NRG3: variants seen among roughly 807,000 people sequenced by gnomAD.
NRG3 encodes neuregulin 3.
Under a neutral mutation model 66.9 loss-of-function variants are expected in NRG3, and 31 were observed. The observed-to-expected ratio is 0.46, with a 90% CI of 0.35 to 0.63. The LOEUF is 0.63. NRG3 is among the 20% of genes least tolerant of loss of function. The probability of loss-of-function intolerance (pLI) is 0.00; values close to 1 mark genes in which losing one functional copy is unlikely to be tolerated. For synonymous variants in NRG3, 393 were observed against 359.4 expected, an observed-to-expected ratio of 1.09 and a Z score of -1.06; for missense variants, 910 against 878.9, an observed-to-expected ratio of 1.04 and a Z score of -0.45.
At chr10:82,830,949 C>A (rs1048822632) in intron 3 of NRG3, among the ~76,000 whole-genome samples, 1 of 152,174 alleles carries the variant, frequency 6.6e-6, no homozygotes, top group African/African-American at 2.4e-5. Context: ...ACATGCAATG[C>A]TGATATGTTC....
chr10:82,860,128 C>T (rs1039754791), intron 3 of NRG3, among the ~76,000 whole-genome samples: 1 of 152,108 alleles, frequency 6.6e-6, no homozygotes, highest in Non-Finnish European at 1.5e-5. Flanking sequence ...TTCAACTAGG[C>T]CAGCCTCGTT....
intron 2 of NRG3, among the ~76,000 whole-genome samples, chr10:82,678,360 G>A (rs927604648): frequency 2.0e-5 from 3 of 152,118 alleles, no homozygotes; most frequent in African/African-American, 7.2e-5. Context: ...AGTCAAAGGG[G>A]GTTGTTCTCT....
intron 3 of NRG3, among the ~76,000 whole-genome samples, chr10:82,842,065 A>T (rs1188972503): frequency 6.6e-6 from 1 of 152,172 alleles, no homozygotes; most frequent in Non-Finnish European, 1.5e-5. Flanking sequence ...AGCCTGGTCA[A>T]CATGGCGAAA....
At chr10:82,555,111 T>C (rs2044566909) in intron 2 of NRG3, among the ~76,000 whole-genome samples, 1 of 152,210 alleles carries the variant, frequency 6.6e-6, no homozygotes, top group Non-Finnish European at 1.5e-5. Flanking sequence ...GAGGAGATAT[T>C]GTGAGATCTC....
In NRG3 at chr10:82,141,499, G is replaced by A. The variant is rs116971468; in HGVS notation, c.824-217240G>A. Among the ~76,000 whole-genome samples, 1,180 of 152,226 alleles carry A rather than the reference G, an allele frequency of 7.8e-3. 20 individuals carry two copies. The highest frequency in any genetic ancestry group is 0.013 in the Non-Finnish European group (862 of 68,022). ...TACTTGGCAAAAACCTGCTGATCAT[G>A]TCTTTCCCCTTGGAACCTCACAGCA... is the stretch of plus-strand genomic sequence containing the variant. On this transcript the variant is annotated intron_variant, in intron 1 of 8. Coordinates refer to ENST00000372141, the MANE Select transcript of NRG3 (RefSeq NM_001010848.4).
intron 1 of NRG3, among the ~76,000 whole-genome samples, chr10:82,297,762 A>T (rs1479451105): frequency 1.3e-5 from 2 of 152,172 alleles, no homozygotes; most frequent in African/African-American, 4.8e-5. Flanking sequence ...TATAAGGCAT[A>T]TGTGCTATTG....
chr10:82,943,981 C>T (rs984031451), intron 4 of NRG3, among the ~76,000 whole-genome samples: 1 of 152,170 alleles, frequency 6.6e-6, no homozygotes, highest in African/African-American at 2.4e-5. Context: ...AGCATACTTG[C>T]AGTCACTCAT....
rs1238256124 is a variant in NRG3, at chr10:82,859,314, C to T, written c.1028-6097C>T. On this transcript the variant is annotated intron_variant, in intron 3 of 8. Coordinates refer to ENST00000372141, the MANE Select transcript of NRG3 (RefSeq NM_001010848.4). ...ACATGCTTTTCCATATCCCATAGAC[C>T]AGGGTTTAAATGATCACACTTGGGA... 5 of 152,178 alleles carry T rather than the reference C, an allele frequency of 3.3e-5. No homozygotes were observed. The South Asian group carries it at 6.2e-4, about 19-fold the overall frequency. The allele number at this position is 152,178 out of a possible 1,614,324, so 9.4% of individuals were successfully genotyped here.
chr10:82,361,500 G>A (rs1363284962), intron 2 of NRG3, among the ~76,000 whole-genome samples: 1 of 152,146 alleles, frequency 6.6e-6, no homozygotes, highest in African/African-American at 2.4e-5. Context: ...TTCCAATGTA[G>A]TTATTAATAA....
chr10:82,126,040 G>A (rs915589747), intron 1 of NRG3, among the ~76,000 whole-genome samples: 2 of 151,982 alleles, frequency 1.3e-5, no homozygotes, highest in Admixed American at 1.3e-4. Flanking sequence ...TAAGAGTGAA[G>A]GGAGCAACTA....
chr10:82,457,023 G>T (rs1486269967), intron 2 of NRG3, among the ~76,000 whole-genome samples: 1 of 152,062 alleles, frequency 6.6e-6, no homozygotes, highest in Non-Finnish European at 1.5e-5. Context: ...TTTTCAAAGT[G>T]CTAGACAGTA....
chr10:82,232,065 G>A (rs1819295029), intron 1 of NRG3, among the ~76,000 whole-genome samples: 1 of 152,102 alleles, frequency 6.6e-6, no homozygotes. Flanking sequence ...AATTACTATG[G>A]TAGGTCTCTC....
intron 1 of NRG3, among the ~76,000 whole-genome samples, chr10:81,920,706 G>T (rs148892039): frequency 6.6e-6 from 1 of 152,220 alleles, no homozygotes; most frequent in African/African-American, 2.4e-5. Flanking sequence ...ATTATGAATA[G>T]TAGTACACGT....
intron 1 of NRG3, among the ~76,000 whole-genome samples, chr10:81,996,143 T>G (rs1412769778): frequency 2.0e-5 from 3 of 152,206 alleles, no homozygotes; most frequent in African/African-American, 7.2e-5. Context: ...GTGTGTTAGC[T>G]CATATGTGAC....
rs1293918650 is a variant in NRG3 at position 82,440,172 on chromosome 10, A to G, written c.953+81304A>G. Among the ~76,000 whole-genome samples the G allele has an allele frequency of 1.3e-5, 2 of 151,956 alleles. 1 individual carries two copies. The highest frequency in any genetic ancestry group is 3.9e-4 in the East Asian group (2 of 5,188). On this transcript the variant is annotated intron_variant, in intron 2 of 8. Coordinates refer to ENST00000372141, the MANE Select transcript of NRG3 (RefSeq NM_001010848.4). ...ATATTTTGGTATTTAATTTGAGAAC[A>G]TGATTTTCTGTTGAAAATCATCCTT... is the stretch of plus-strand genomic sequence containing the variant.
intron 2 of NRG3, among the ~76,000 whole-genome samples, chr10:82,697,597 G>A (rs1451684639): frequency 6.6e-6 from 1 of 152,142 alleles, no homozygotes; most frequent in African/African-American, 2.4e-5. Flanking sequence ...AGTCTGGATG[G>A]ATAAAATATT....
chr10:82,458,637 G>A (rs1326486965), intron 2 of NRG3, among the ~76,000 whole-genome samples: 4 of 152,198 alleles, frequency 2.6e-5, no homozygotes, highest in Non-Finnish European at 5.9e-5. Flanking sequence ...AAAGAACAGT[G>A]ATTATAGTGT....
At chr10:82,242,778 C>T (rs2077061233) in intron 1 of NRG3, among the ~76,000 whole-genome samples, 1 of 152,136 alleles carries the variant, frequency 6.6e-6, no homozygotes, top group Admixed American at 6.5e-5. Flanking sequence ...TGTTTCTGTA[C>T]ATCTCAGGCA....
chr10:81,999,747 A>G (rs967505695), intron 1 of NRG3, among the ~76,000 whole-genome samples: 4 of 152,192 alleles, frequency 2.6e-5, no homozygotes, highest in African/African-American at 9.6e-5. Flanking sequence ...AGTACTGGCA[A>G]TAGTTTTAAC....
Sources: allele counts gnomAD v4.1 joint callset (sites outside exome capture counted in the v4.1 genomes callset), GRCh38; gene constraint gnomAD v4.1.1; transcripts MANE v1.5; gene names NCBI Gene and HGNC (gene_info 2026-07-23, HGNC 2026-07-21).